Variants in CDH3 observed in about 807,000 individuals in gnomAD.
CDH3 encodes the protein cadherin 3.
Under a neutral mutation model 82.0 loss-of-function variants are expected in CDH3, and 54 were observed. That is an observed-to-expected ratio of 0.66 (90% CI 0.53 to 0.83). The LOEUF is 0.83. Among genes scored for constraint, CDH3 ranks in the 40% least tolerant of loss-of-function variants. CDH3 has a pLI of 0.00. For missense variants in CDH3, 1,054 were observed against 1,084.6 expected (o/e 0.97, Z 0.40); for synonymous variants, 446 against 437.9 (o/e 1.02, Z -0.23).
chr16:68,655,063 G>GA (rs1416128417), intron 2 of CDH3, among the ~76,000 whole-genome samples: 22 of 151,938 alleles, frequency 1.4e-4, no homozygotes, highest in Admixed American at 1.3e-4. Flanking sequence ...GTAAAATAGA[G>GA]AAGGGGTCTG....
At chr16:68,714,783 G>A (rs1032552242) in intron 1 of CDH3, among the ~76,000 whole-genome samples, 1 of 152,214 alleles carries the variant, frequency 6.6e-6, no homozygotes, top group African/African-American at 2.4e-5. Flanking sequence ...TTGGGAAGCG[G>A]AGGCAGGAGG....
At chr16:68,709,528 G>T (rs1357954545) in intron 1 of CDH3, among the ~76,000 whole-genome samples, 2 of 152,136 alleles carry the variant, frequency 1.3e-5, no homozygotes, top group Middle Eastern at 3.4e-3. Context: ...GCACAATCTC[G>T]GCTTACTGCA....
chr16:68,706,381 A>T (rs1567461872), intron 1 of CDH3, among the ~76,000 whole-genome samples: 1 of 151,772 alleles, frequency 6.6e-6, no homozygotes, highest in Non-Finnish European at 1.5e-5. Context: ...CTTGTGTGGC[A>T]CCCCAACCCA....
intron 13 of CDH3, among the ~76,000 whole-genome samples, chr16:68,694,859 G>C (rs1961671353): frequency 6.6e-6 from 1 of 152,160 alleles, no homozygotes; most frequent in South Asian, 2.1e-4. Context: ...AGCATTATGG[G>C]TGAGGAGAAG....
chr16:68,675,181 G>A (rs923187849), intron 2 of CDH3, among the ~76,000 whole-genome samples: 1 of 152,026 alleles, frequency 6.6e-6, no homozygotes, highest in African/African-American at 2.4e-5. Context: ...CTTATTTTAA[G>A]GAAAGGTATT....
chr16:68,697,317 C>T (rs1961757303), intron 15 of CDH3, among the ~76,000 whole-genome samples: 1 of 144,560 alleles, frequency 6.9e-6, no homozygotes. Flanking sequence ...AAGGGAGATT[C>T]CATCTTTAAA....
At chr16:68,667,487 T>C (rs1385382646) in intron 2 of CDH3, among the ~76,000 whole-genome samples, 1 of 152,176 alleles carries the variant, frequency 6.6e-6, no homozygotes, top group African/African-American at 2.4e-5. Context: ...GGTGGTTTTA[T>C]TTTGCCAGAA....
At chr16:68,657,337 A>G (rs1160521233) in intron 2 of CDH3, among the ~76,000 whole-genome samples, 1 of 152,072 alleles carries the variant, frequency 6.6e-6, no homozygotes, top group Non-Finnish European at 1.5e-5. Context: ...AACATGGTGA[A>G]ACCCTGTCTC....
intron 2 of CDH3, among the ~76,000 whole-genome samples, chr16:68,655,188 T>A (rs1446919323): frequency 2.6e-5 from 4 of 152,044 alleles, no homozygotes; most frequent in African/African-American, 9.7e-5. Flanking sequence ...TGGGTGGAGA[T>A]TTTTATCCTG....
chr16:68,684,364 C>T (rs1454451655), intron 9 of CDH3, among the ~76,000 whole-genome samples: 1 of 152,144 alleles, frequency 6.6e-6, no homozygotes, highest in Non-Finnish European at 1.5e-5. Flanking sequence ...TGATCTAGGG[C>T]TTATTAATAC....
chr16:68,671,615 G>A (rs1960886100), intron 2 of CDH3, among the ~76,000 whole-genome samples: 1 of 146,178 alleles, frequency 6.8e-6, no homozygotes, highest in Non-Finnish European at 1.5e-5. Context: ...TCTGTCTCCT[G>A]GGTTCAAGCG....
chr16:68,659,786 T>A (rs1341145139), intron 2 of CDH3, among the ~76,000 whole-genome samples: 1 of 140,336 alleles, frequency 7.1e-6, no homozygotes, highest in African/African-American at 2.6e-5. Flanking sequence ...ACTGATTTTA[T>A]AAGAATCCTT....
At chr16:68,731,383 A>T (rs1276890132), downstream of CDH3, among the ~76,000 whole-genome samples, 3 of 10,154 alleles carry the variant, frequency 3.0e-4, no homozygotes, top group Non-Finnish European at 6.7e-4. Context: ...AAAAAAAAAA[A>T]AAAAAAAAAA....
downstream of CDH3, among the ~76,000 whole-genome samples, chr16:68,729,539 C>T (rs1962261279): frequency 6.6e-6 from 1 of 152,022 alleles, no homozygotes; most frequent in African/African-American, 2.4e-5. Context: ...AAAAGATGAA[C>T]AAAAAGGGAT....
At chr16:68,725,225 A>G (rs892527626) in intron 2 of CDH3, among the ~76,000 whole-genome samples, 3 of 152,164 alleles carry the variant, frequency 2.0e-5, no homozygotes, top group East Asian at 1.9e-4. Context: ...CCTGCTGCCC[A>G]TGGACTTGGT....
chr16:68,690,093 C>G (rs1203408252), intron 12 of CDH3, among the ~76,000 whole-genome samples: 1 of 152,162 alleles, frequency 6.6e-6, no homozygotes, highest in African/African-American at 2.4e-5. Context: ...ACGCAGTCTC[C>G]CCCGAGTGGT....
At chr16:68,683,448 G>A (rs1008546250) in intron 9 of CDH3, among the ~76,000 whole-genome samples, 6 of 151,224 alleles carry the variant, frequency 4.0e-5, no homozygotes, top group Admixed American at 6.6e-5. Context: ...TCAGGAGACC[G>A]AGACCATCCT....
chr16:68,684,052 G>A (rs1163938379), intron 9 of CDH3, among the ~76,000 whole-genome samples: 2 of 137,546 alleles, frequency 1.5e-5, no homozygotes, highest in East Asian at 4.2e-4. Context: ...GGATGACAGA[G>A]CGAGACTCCG....
chr16:68,666,125 C>T (rs986497674), intron 2 of CDH3, among the ~76,000 whole-genome samples: 4 of 151,896 alleles, frequency 2.6e-5, no homozygotes, highest in Admixed American at 6.6e-5. Flanking sequence ...TTTCACCACT[C>T]ACTCTCCAGG....
Sources: allele counts gnomAD v4.1 joint callset (sites outside exome capture counted in the v4.1 genomes callset), GRCh38; gene constraint gnomAD v4.1.1; transcripts MANE v1.5; gene names NCBI Gene and HGNC (gene_info 2026-07-23, HGNC 2026-07-21).